Variants in TNRC6A observed in about 807,000 individuals in gnomAD.
The protein encoded by TNRC6A is trinucleotide repeat-containing gene 6A protein.
Under a neutral mutation model 221.2 loss-of-function variants are expected in TNRC6A, and 44 were observed. The ratio of observed to expected loss-of-function variants is 0.20; its 90% CI spans 0.16 to 0.26. TNRC6A has a LOEUF of 0.26. Among genes scored for constraint, TNRC6A ranks in the 10% least tolerant of loss-of-function variants. The pLI is 1.00. For synonymous variants in TNRC6A, 847 were observed against 838.5 expected (o/e 1.01, Z -0.18); for missense variants, 2,199 against 2,404.4 (o/e 0.91, Z 1.79).
chr16:24,820,721 C>T (rs1282905730), intron 22 of TNRC6A, among the ~76,000 whole-genome samples: 1 of 152,192 alleles, frequency 6.6e-6, no homozygotes, highest in African/African-American at 2.4e-5. Context: ...GTAGCTTGGC[C>T]TGTATTAAAT....
At chr16:24,611,270 G>A (rs143967575) in intron 1 of TNRC6A, among the ~76,000 whole-genome samples, 1 of 152,260 alleles carries the variant, frequency 6.6e-6, no homozygotes, top group Admixed American at 6.5e-5. Context: ...TAAGGACTTG[G>A]TGATTGGAAA....
chr16:24,802,512 A>G (rs555132114), intron 11 of TNRC6A, among the ~76,000 whole-genome samples: 6 of 152,306 alleles, frequency 3.9e-5, no homozygotes, highest in African/African-American at 1.4e-4. Flanking sequence ...TTGTGCCACT[A>G]CGCTCCAGCC....
chr16:24,707,014 T>TATTTA, intron 2 of TNRC6A, among the ~76,000 whole-genome samples: 1 of 151,754 alleles, frequency 6.6e-6, no homozygotes, highest in African/African-American at 2.4e-5. Context: ...TTTATTTATT[T>TATTTA]TGAGACAGGG....
chr16:24,822,087 G>T lies in TNRC6A; in HGVS notation c.5313G>T (p.Trp1771Cys), dbSNP rs1279091015. 37 of 1,613,990 alleles carry T rather than the reference G, an allele frequency of 2.3e-5. No individual in the cohort carries two copies. The highest frequency in any genetic ancestry group is 3.0e-5 in the Non-Finnish European group (35 of 1,180,016). Residue 1771 changes from tryptophan (W) to cysteine (C), a missense_variant, in exon 23 of 25, where the codon TGG becomes TGT. By Grantham distance (215) the Trp-to-Cys change is radical (BLOSUM62 -2). Around this residue, in one of 8 missense-constraint regions of TNRC6A, gnomAD observed 449 missense variants for 579.7 expected, o/e 0.77. Transcript: ENST00000395799. ...TTTTTCCTTGTTTAGGTTCCAGCTGGGGTGAGAGCAGCTCAGGGAGAATAA... is the reference window on the plus strand; with the variant it reads ...TTTTTCCTTGTTTAGGTTCCAGCTGTGGTGAGAGCAGCTCAGGGAGAATAA... Reference protein sequence around the residue: ...SDARYTPGSSWGESSSGRITN... With the variant: ...SDARYTPGSSCGESSSGRITN...
At chr16:24,689,703 A>G (rs2055712562) in intron 2 of TNRC6A, among the ~76,000 whole-genome samples, 1 of 152,156 alleles carries the variant, frequency 6.6e-6, no homozygotes, top group Admixed American at 6.6e-5. Flanking sequence ...CAGACAATAA[A>G]CAAAATGAAT....
chr16:24,686,519 C>T (rs1390270371), intron 2 of TNRC6A, among the ~76,000 whole-genome samples: 1 of 152,114 alleles, frequency 6.6e-6, no homozygotes, highest in Admixed American at 6.6e-5. Context: ...CACAGGCCAT[C>T]CCCTGCGTCT....
intron 1 of TNRC6A, among the ~76,000 whole-genome samples, chr16:24,627,143 G>A (rs956273699): frequency 1.3e-5 from 2 of 151,974 alleles, no homozygotes; most frequent in Non-Finnish European, 2.9e-5. Context: ...CTGGGGTACT[G>A]CTCACCTGCC....
chr16:24,657,655 G>A (rs2054945625), intron 2 of TNRC6A, among the ~76,000 whole-genome samples: 1 of 150,304 alleles, frequency 6.7e-6, no homozygotes, highest in East Asian at 2.0e-4. Context: ...GTTGCAGTGA[G>A]CTGAGATCGT....
intron 2 of TNRC6A, among the ~76,000 whole-genome samples, chr16:24,733,453 A>T (rs1250885898): frequency 6.6e-6 from 1 of 152,216 alleles, no homozygotes; most frequent in Non-Finnish European, 1.5e-5. Flanking sequence ...TTGGCCATTA[A>T]AATTGTCACA....
chr16:24,724,625 A>G (rs1012225425), intron 2 of TNRC6A, among the ~76,000 whole-genome samples: 2 of 152,088 alleles, frequency 1.3e-5, no homozygotes, highest in African/African-American at 4.8e-5. Flanking sequence ...TTGCGGCTGT[A>G]GTCTCAGCTA....
At chr16:24,730,437 C>T (rs2056604654) in intron 2 of TNRC6A, 137 bp downstream of exon 2, 3 of 954,112 alleles carry the variant, frequency 3.1e-6, no homozygotes, top group Admixed American at 2.6e-5. Flanking sequence ...GAGAAGCGGC[C>T]TGGGGGAATA....
intron 2 of TNRC6A, among the ~76,000 whole-genome samples, chr16:24,676,442 A>G (rs1368630556): frequency 1.3e-5 from 2 of 151,790 alleles, no homozygotes; most frequent in Admixed American, 1.3e-4. Context: ...GATTACAGGC[A>G]TGCACCGCCA....
chr16:24,663,659 C>T (rs150100080), intron 2 of TNRC6A: 155 of 304,874 alleles, frequency 5.1e-4, no homozygotes, highest in African/African-American at 3.0e-3. Flanking sequence ...GTCATATGTG[C>T]AGTGCTTAAG....
chr16:24,752,606 C>G (rs940838653), intron 3 of TNRC6A, among the ~76,000 whole-genome samples: 2 of 152,078 alleles, frequency 1.3e-5, no homozygotes, highest in African/African-American at 4.8e-5. Flanking sequence ...GGTCATTGCT[C>G]GAGATTTCTT....
upstream of TNRC6A, among the ~76,000 whole-genome samples, chr16:24,727,962 C>T (rs1345373531): frequency 2.0e-5 from 3 of 148,440 alleles, no homozygotes; most frequent in Non-Finnish European, 4.4e-5. Context: ...ATATGCTCAT[C>T]GCAAAAAAGA....
intron 16 of TNRC6A, 45 bp downstream of exon 16, chr16:24,806,328 A>G (rs1249425290): frequency 6.2e-7 from 1 of 1,603,090 alleles, no homozygotes; most frequent in Non-Finnish European, 8.5e-7. Flanking sequence ...TGTGTTAATA[A>G]ACTCTGCTTA....
At chr16:24,635,943 T>C (rs1228225276) in intron 1 of TNRC6A, among the ~76,000 whole-genome samples, 1 of 152,254 alleles carries the variant, frequency 6.6e-6, no homozygotes, top group Non-Finnish European at 1.5e-5. Context: ...ATGATGCCGT[T>C]GATCTGAGAT....
At chr16:24,622,088 G>A (rs1176377509) in intron 1 of TNRC6A, among the ~76,000 whole-genome samples, 1 of 151,102 alleles carries the variant, frequency 6.6e-6, no homozygotes, top group Non-Finnish European at 1.5e-5. Context: ...TAACCTGTCT[G>A]GCCAACCAGT....
chr16:24,670,997 T>C (rs182349773), intron 2 of TNRC6A: 16 of 405,490 alleles, frequency 3.9e-5, no homozygotes, highest in Middle Eastern at 3.5e-4. Flanking sequence ...CCCAGTCTCC[T>C]GGCAGCACAT....
Sources: allele counts gnomAD v4.1 joint callset (sites outside exome capture counted in the v4.1 genomes callset), GRCh38; gene constraint gnomAD v4.1.1; regional missense constraint gnomAD v4.1.1; transcripts MANE v1.5; gene names NCBI Gene and HGNC (gene_info 2026-07-23, HGNC 2026-07-21).